Variants in USP12 observed in about 807,000 individuals in gnomAD.
USP12 encodes the protein ubiquitin specific peptidase 12.
Under a neutral mutation model 45.5 loss-of-function variants are expected in USP12, and 19 were observed. The observed-to-expected ratio is 0.42, with a 90% CI of 0.29 to 0.61. The LOEUF (loss-of-function observed/expected upper bound fraction) is 0.61, where lower values mean the gene tolerates loss of function less well. Ranked by LOEUF, USP12 falls within the 20% of genes least tolerant of loss-of-function variation. The probability of loss-of-function intolerance (pLI) is 0.22; values close to 1 mark genes in which losing one functional copy is unlikely to be tolerated. For synonymous variants in USP12, 149 were observed against 148.8 expected (o/e 1.00, Z -0.01); for missense variants, 242 against 447.7 (o/e 0.54, Z 4.15).
At chr13:27,070,443 T>C (rs1311825842) in intron 8 of USP12, among the ~76,000 whole-genome samples, 2 of 151,926 alleles carry the variant, frequency 1.3e-5, no homozygotes, top group East Asian at 1.9e-4. Context: ...GGGGGACACA[T>C]GTATAAAAAT....
intron 1 of USP12, among the ~76,000 whole-genome samples, chr13:27,131,990 GGTAGA>G (rs1876525259): frequency 6.6e-6 from 1 of 152,066 alleles, no homozygotes; most frequent in Non-Finnish European, 1.5e-5. Context: ...CGTGTCACTG[GGTAGA>G]GTATTGTTCT....
At position 27,067,074 on chromosome 13, in the gene USP12, A is replaced by C. The variant is rs189387598; in HGVS notation, c.*2209T>G. On this transcript the variant is annotated 3_prime_UTR_variant, in exon 9 of 9. Transcript: ENST00000282344. ...CAAGTATGTGATTACCAGGAACTCAACACATACACTAGAACTTGCTTTAAT... is the reference window on the plus strand; with the variant it reads ...CAAGTATGTGATTACCAGGAACTCACCACATACACTAGAACTTGCTTTAAT... 5.8e-4 allele frequency: 88 copies of C among 152,306 alleles called. No homozygotes were observed. Among genetic ancestry groups the C allele is most frequent in the African/African-American group, 1.9e-3 (77 of 41,568 alleles). The allele number at this position is 152,306 out of a possible 1,614,324, so 9.4% of individuals were successfully genotyped here. A position where few individuals can be genotyped will look rare whatever the true frequency, so the allele number is the denominator to read the frequency against.
chr13:27,157,174 A>C (rs967191644), intron 1 of USP12, among the ~76,000 whole-genome samples: 1 of 152,208 alleles, frequency 6.6e-6, no homozygotes, highest in Non-Finnish European at 1.5e-5. Flanking sequence ...TCTGCGTAAT[A>C]GTTATTTTCA....
At position 27,117,832 on chromosome 13, in the gene USP12, T is replaced by A. The variant is rs758974841; in HGVS notation, c.49-1236A>T. On this transcript the variant is annotated intron_variant, in intron 1 of 8. Transcript: ENST00000282344. The stretch of plus-strand genomic sequence containing the variant: ...TCAACTCAATTCTGTGCACCTGTGG[T>A]CCCCGACGACCATGTGAAAGGGAGG... 9 of 517,814 alleles carry A rather than the reference T, an allele frequency of 1.7e-5. 1 individual carries two copies. Among genetic ancestry groups the A allele is most frequent in the Admixed American group, 5.8e-5 (3 of 51,462 alleles). 32.1% of individuals were successfully genotyped at this position (517,814 alleles called of 1,614,324 possible). A position where few individuals can be genotyped will look rare whatever the true frequency, so the allele number is the denominator to read the frequency against.
chr13:27,066,246 T>C lies in USP12; in HGVS notation c.*3037A>G, dbSNP rs908793112. 6.6e-6 allele frequency: 1 copy of C among 152,218 alleles called. No individual in the cohort carries two copies. Among genetic ancestry groups the C allele is most frequent in the Non-Finnish European group, 1.5e-5 (1 of 68,046 alleles). 9.4% of individuals were successfully genotyped at this position (152,218 alleles called of 1,614,324 possible). A position where few individuals can be genotyped will look rare whatever the true frequency, so the allele number is the denominator to read the frequency against. On this transcript the variant is annotated 3_prime_UTR_variant, in exon 9 of 9. Transcript: ENST00000282344. ...AATGCTTTACAGACATTATCTCTAA[T>C]TAATCCCCACAACAACCCTGTGAGG...
rs1379447549 is a variant in USP12 at position 27,129,733 on chromosome 13, G to A, written c.49-13137C>T. 1.3e-5 allele frequency among the ~76,000 whole-genome samples: 2 copies of A among 152,138 alleles called. No homozygotes were observed. Among genetic ancestry groups the A allele is most frequent in the African/African-American group, 4.8e-5 (2 of 41,420 alleles). ...AAAAATAAATGTATGCATAATTTTT[G>A]TGAAGGATGTTAGAGAAATGCTGCA... is the stretch of plus-strand genomic sequence containing the variant. On this transcript the variant is annotated intron_variant, in intron 1 of 8. Coordinates refer to ENST00000282344, the MANE Select transcript of USP12 (RefSeq NM_182488.4). This position sits in a 1 kb window ranked among gnomAD's most constrained non-coding sequence, Gnocchi z 4.0.
chr13:27,086,191 AAAAAAAATATAT>A lies in USP12; in HGVS notation c.734+3680_734+3691del, dbSNP rs1314149768. On this transcript the variant is annotated intron_variant, in intron 6 of 8. Transcript: ENST00000282344. ...TGTCTCTTTAAAAAAAAAAAAAAAAAAAAAAAATATATATATATATATATATATGCGCACATA... is the reference window on the plus strand; with the variant it reads ...TGTCTCTTTAAAAAAAAAAAAAAAAAATATATATATATATATGCGCACATA... Among the ~76,000 whole-genome samples, 89 of 72,586 alleles carry A rather than the reference AAAAAAAATATAT, an allele frequency of 1.2e-3. 3 individuals are homozygous for A. The highest frequency in any genetic ancestry group is 4.2e-3 in the African/African-American group (85 of 20,440). The allele number at this position is 72,586 out of a possible 152,430, so 47.6% of individuals were successfully genotyped here. A position where few individuals can be genotyped will look rare whatever the true frequency, so the allele number is the denominator to read the frequency against.
In USP12 at chr13:27,069,290, C is replaced by G; in HGVS notation, c.1106G>C (p.Arg369Pro). Residue 369 changes from arginine (R) to proline (P), a missense_variant, in exon 9 of 9, where the codon CGG (arginine) becomes CCG (proline). Arg to Pro is a moderately radical substitution (Grantham distance 103). This residue lies in a region of USP12 where 94 missense variants were observed against 168.3 expected (regional missense o/e 0.56). Transcript: ENST00000282344. The part of the protein sequence containing the change: ...ESGYILFYQS[R>P]D ...CTTCATCACGGTTCCCTCTCAGTCC[C>G]GAGACTGATAGAAAAGGATGTAACC... The G allele has an allele frequency of 6.2e-7, 1 of 1,610,834 alleles. No homozygotes were observed.
intron 1 of USP12, among the ~76,000 whole-genome samples, chr13:27,148,207 C>T (rs1446374846): frequency 6.6e-6 from 1 of 151,554 alleles, no homozygotes; most frequent in Non-Finnish European, 1.5e-5. Context: ...ACAAGAAATA[C>T]TAAAGAAAGT....
intron 1 of USP12, among the ~76,000 whole-genome samples, chr13:27,127,644 T>C (rs562303142): frequency 6.6e-6 from 1 of 152,268 alleles, no homozygotes; most frequent in East Asian, 1.9e-4. Context: ...TTCAACCTGA[T>C]AGGGAAGATT....
At chr13:27,142,063 A>T (rs1409932390) in intron 1 of USP12, among the ~76,000 whole-genome samples, 1 of 152,126 alleles carries the variant, frequency 6.6e-6, no homozygotes, top group African/African-American at 2.4e-5. Context: ...CAGAGGGTGC[A>T]CTGAGCTGAG....
At chr13:27,092,281 T>C (rs1457175165) in intron 4 of USP12, among the ~76,000 whole-genome samples, 1 of 152,218 alleles carries the variant, frequency 6.6e-6, no homozygotes. Flanking sequence ...TGTCAAGATA[T>C]CATTTTTTTC....
chr13:27,154,478 C>T (rs753267508), intron 1 of USP12, among the ~76,000 whole-genome samples: 4 of 152,130 alleles, frequency 2.6e-5, no homozygotes, highest in Non-Finnish European at 5.9e-5. Flanking sequence ...ATTCTCCTTC[C>T]GTTACTTCCA....
intron 1 of USP12, among the ~76,000 whole-genome samples, chr13:27,161,909 T>TA (rs1878127691): frequency 1.6e-5 from 1 of 63,802 alleles, no homozygotes; most frequent in African/African-American, 3.7e-5. Context: ...AAAAAAAAAT[T>TA]AAAAAGCCAC....
intron 1 of USP12, among the ~76,000 whole-genome samples, chr13:27,140,722 T>A (rs191318512): frequency 1.9e-3 from 289 of 152,300 alleles, no homozygotes; most frequent in African/African-American, 6.7e-3. Flanking sequence ...TATAAAGCAA[T>A]TTTAGATATA....
chr13:27,105,964 G>A lies in USP12; in HGVS notation c.130-20C>T. The stretch of plus-strand genomic sequence containing the variant: ...CCCAAACTGCAACAGAAAAAAAAAA[G>A]TTTTGTTAAATTTAGGGCAACACAT... On this transcript the variant is annotated intron_variant, in intron 2 of 8. Transcript: ENST00000282344. 1 of 1,577,394 alleles carries A rather than the reference G, an allele frequency of 6.3e-7. No individual in the cohort carries two copies. Among genetic ancestry groups the A allele is most frequent in the Non-Finnish European group, 8.6e-7 (1 of 1,162,762 alleles).
chr13:27,143,746 TC>T (rs1363636357), intron 1 of USP12, among the ~76,000 whole-genome samples: 2 of 152,164 alleles, frequency 1.3e-5, no homozygotes, highest in Non-Finnish European at 2.9e-5. Flanking sequence ...AAATTATTCT[TC>T]CCCAAAAATG....
At chr13:27,070,688 G>T (rs1873208247) in intron 8 of USP12, among the ~76,000 whole-genome samples, 1 of 151,980 alleles carries the variant, frequency 6.6e-6, no homozygotes, top group Non-Finnish European at 1.5e-5. Context: ...CGAGTAGCTG[G>T]GATTACAGGC....
At chr13:27,107,175 A>G (rs1283840748) in intron 2 of USP12, among the ~76,000 whole-genome samples, 1 of 152,112 alleles carries the variant, frequency 6.6e-6, no homozygotes, top group African/African-American at 2.4e-5. Context: ...AAATACAAAA[A>G]TTAGCTAGGC....
Sources: gnomAD v4.1 joint callset for allele counts (sites outside exome capture counted in the v4.1 genomes callset) on GRCh38, gnomAD v4.1.1 for gene constraint, gnomAD v4.1.1 regional missense constraint, Gnocchi (gnomAD v3.1) non-coding constraint, MANE v1.5 for transcripts, NCBI Gene and HGNC (gene_info 2026-07-23, HGNC 2026-07-21) for gene names.